Variants in EFHC1 observed in about 807,000 individuals in gnomAD.
EFHC1 encodes EF-hand domain containing 1.
EFHC1 carries 53 observed loss-of-function variants against 69.9 expected under a neutral mutation model. The ratio of observed to expected loss-of-function variants is 0.76; its 90% CI spans 0.61 to 0.95. The LOEUF (loss-of-function observed/expected upper bound fraction) is 0.95, where lower values mean the gene tolerates loss of function less well. Among genes scored for constraint, EFHC1 ranks in the 40% least tolerant of loss-of-function variants. EFHC1 has a pLI of 0.00. For missense variants in EFHC1, 739 were observed against 798.7 expected (o/e 0.93, Z 0.90); for synonymous variants, 256 against 278.4 (o/e 0.92, Z 0.80).
At chr6:52,449,574 A>G (rs148475475) in intron 3 of EFHC1, among the ~76,000 whole-genome samples, 1 of 152,222 alleles carries the variant, frequency 6.6e-6, no homozygotes, top group Non-Finnish European at 1.5e-5. Flanking sequence ...GTGTCCAGGA[A>G]TTTATCCATC....
intron 7 of EFHC1, among the ~76,000 whole-genome samples, chr6:52,476,060 T>A (rs1765539413): frequency 6.6e-6 from 1 of 151,496 alleles, no homozygotes; most frequent in African/African-American, 2.4e-5. Flanking sequence ...ACCGAGACAG[T>A]GTGCAGTGAA....
intron 10 of EFHC1, 48 bp from the exon 11 acceptor site, chr6:52,492,222 G>A (rs60636755): frequency 5.6e-4 from 863 of 1,547,086 alleles, no homozygotes; most frequent in Non-Finnish European, 7.2e-4. Context: ...TTGAGCTGAC[G>A]GAAGCCCTGC....
At chr6:52,477,985 A>G (rs1437544673) in intron 7 of EFHC1, among the ~76,000 whole-genome samples, 1 of 152,136 alleles carries the variant, frequency 6.6e-6, no homozygotes, top group Admixed American at 6.5e-5. Context: ...ACGTATGTTT[A>G]TTGCGGCATT....
rs755859275 is a variant in EFHC1 at position 52,490,360 on chromosome 6, A to G, written c.1851+10A>G. Reference sequence around the variant, plus strand: ...CTCCTTGGTTAAGGAGGTCAGTATGAATTACTCTTCTGAGTTCATTGCAGA... The same window carrying G: ...CTCCTTGGTTAAGGAGGTCAGTATGGATTACTCTTCTGAGTTCATTGCAGA... On this transcript the variant is annotated intron_variant, in intron 10 of 10. Transcript: ENST00000371068. The G allele has an allele frequency of 6.2e-7, 1 of 1,611,068 alleles. No individual in the cohort carries two copies. Among genetic ancestry groups the G allele is most frequent in the Non-Finnish European group, 8.5e-7 (1 of 1,177,284 alleles).
At chr6:52,467,577 G>A (rs1765338834) in intron 6 of EFHC1, among the ~76,000 whole-genome samples, 1 of 152,138 alleles carries the variant, frequency 6.6e-6, no homozygotes, top group African/African-American at 2.4e-5. Flanking sequence ...AACCTATCTT[G>A]AAGTAAAGAA....
chr6:52,476,418 T>G (rs1765546489), intron 7 of EFHC1, among the ~76,000 whole-genome samples: 1 of 152,194 alleles, frequency 6.6e-6, no homozygotes, highest in African/African-American at 2.4e-5. Context: ...GATCCAGCAA[T>G]GGCTGCTAAA....
intron 6 of EFHC1, among the ~76,000 whole-genome samples, chr6:52,466,336 A>G (rs891272827): frequency 2.0e-5 from 3 of 152,136 alleles, no homozygotes; most frequent in African/African-American, 4.8e-5. Flanking sequence ...TTCTACCAGT[A>G]CAGCATCTTG....
At chr6:52,479,916 CAGAAGGTTCCCTGTGTCAATGTA>C in intron 9 of EFHC1, 129 bp downstream of exon 9, 1 of 1,413,764 alleles carries the variant, frequency 7.1e-7, no homozygotes, top group Non-Finnish European at 9.7e-7. Context: ...TAGATATAAA[CAGAAGGTTCCCTGTGTCAATGTA>C]ATAGCTAGTA....
intron 2 of EFHC1, among the ~76,000 whole-genome samples, chr6:52,428,058 C>G (rs192221125): frequency 5.3e-5 from 8 of 152,114 alleles, no homozygotes; most frequent in African/African-American, 1.9e-4. Flanking sequence ...AGGAGCCCAG[C>G]CTGCTATAAA....
chr6:52,495,246 A>G lies in EFHC1; in HGVS notation c.*2905A>G. ...CCTTTCCTTTAGACTGTTTCAGGGG[A>G]GAACCAGGTACCCCAAATCTTATGC... On this transcript the variant is annotated 3_prime_UTR_variant, in exon 11 of 11. Coordinates refer to ENST00000371068, the MANE Select transcript of EFHC1 (RefSeq NM_018100.4). The G allele has an allele frequency of 2.2e-6, 1 of 454,060 alleles. No individual in the cohort carries two copies. Among genetic ancestry groups the G allele is most frequent in the South Asian group, 1.6e-5 (1 of 64,480 alleles). The allele number at this position is 454,060 out of a possible 1,614,324, so 28.1% of individuals were successfully genotyped here. A position where few individuals can be genotyped will look rare whatever the true frequency, so the allele number is the denominator to read the frequency against.
At chr6:52,450,837 C>A (rs1399441936) in intron 3 of EFHC1, among the ~76,000 whole-genome samples, 1 of 152,068 alleles carries the variant, frequency 6.6e-6, no homozygotes, top group Non-Finnish European at 1.5e-5. Flanking sequence ...CTCACTTTGT[C>A]ACCCAGGTTG....
chr6:52,423,657 A>AT (rs59383268), intron 1 of EFHC1: 7,429 of 263,294 alleles, frequency 0.028, 262 homozygotes, highest in African/African-American at 0.091. Flanking sequence ...CACCCAGCTA[A>AT]TTTTTTTTTT....
intron 9 of EFHC1, among the ~76,000 whole-genome samples, chr6:52,484,783 A>G (rs1765752253): frequency 6.6e-6 from 1 of 152,132 alleles, no homozygotes; most frequent in Non-Finnish European, 1.5e-5. Flanking sequence ...GTGGGTAGAT[A>G]TTGGGAGGCC....
At position 52,496,206 on chromosome 6, in the gene EFHC1, ACC is replaced by A. The variant is rs1433485258; in HGVS notation, c.*3867_*3868del. 8 of 109,156 alleles carry A rather than the reference ACC, an allele frequency of 7.3e-5. No homozygotes were observed. Among genetic ancestry groups the A allele is most frequent in the South Asian group, 5.1e-4 (2 of 3,896 alleles). The allele number at this position is 109,156 out of a possible 1,614,324, so 6.8% of individuals were successfully genotyped here. The stretch of plus-strand genomic sequence containing the variant: ...TTGAAAGATTCTAATACACACACAC[ACC>A]CACACACACACACACACAAAGAGAG... On this transcript the variant is annotated 3_prime_UTR_variant, in exon 11 of 11. Transcript: ENST00000371068.
rs1339973033 is a variant in EFHC1 at position 52,479,748 on chromosome 6, A to G, written c.1601A>G (p.His534Arg). 8 of 1,614,190 alleles carry G rather than the reference A, an allele frequency of 5.0e-6. No homozygotes were observed. Among genetic ancestry groups the G allele is most frequent in the Admixed American group, 3.3e-5 (2 of 60,026 alleles). ...SPEALASIQN[H>R]VRKREAPAPE... ...GAAGCACTCGCGTCAATTCAGAACC[A>G]TGTCCGAAAGCGAGAAGCGCCTGCT... The change falls in exon 9 of 11, where the codon CAT becomes CGT. Residue 534 changes from histidine to arginine, a missense_variant. His to Arg is a conservative substitution (Grantham distance 29). Transcript: ENST00000371068.
chr6:52,471,923 A>T (rs1270216201), intron 7 of EFHC1, among the ~76,000 whole-genome samples: 4 of 151,160 alleles, frequency 2.6e-5, no homozygotes, highest in East Asian at 1.9e-4. Flanking sequence ...AAAAATTTTT[A>T]AAAACCTTTG....
chr6:52,477,972 C>CACACGT (rs1765579152), intron 7 of EFHC1, among the ~76,000 whole-genome samples: 1 of 152,060 alleles, frequency 6.6e-6, no homozygotes, highest in Non-Finnish European at 1.5e-5. Flanking sequence ...AAGACACATG[C>CACACGT]ACACGTATGT....
chr6:52,454,138 A>G lies in EFHC1; in HGVS notation c.767A>G (p.Tyr256Cys). 1.9e-6 allele frequency: 3 copies of G among 1,614,062 alleles called. No homozygotes were observed. Among genetic ancestry groups the G allele is most frequent in the Non-Finnish European group, 1.7e-6 (2 of 1,179,988 alleles). Residue 256 changes from tyrosine (Y) to cysteine (C), a missense_variant, in exon 5 of 11, where the codon TAT becomes TGT. By Grantham distance (194) the Tyr-to-Cys change is radical. Coordinates refer to ENST00000371068, the MANE Select transcript of EFHC1 (RefSeq NM_018100.4). ...YAIWDDTDSM[Y>C]GECRTYIIHY... is the part of the protein sequence containing the mutation. ...ATCTGGGATGATACAGACAGCATGTATGGTGAATGTCGGACCTACATCATT... is the reference window on the plus strand; with the variant it reads ...ATCTGGGATGATACAGACAGCATGTGTGGTGAATGTCGGACCTACATCATT...
intron 6 of EFHC1, 71 bp from the exon 7 acceptor site, chr6:52,469,262 T>C: frequency 6.3e-7 from 1 of 1,587,600 alleles, no homozygotes; most frequent in East Asian, 2.2e-5. Flanking sequence ...TCTTTAAACT[T>C]ATAGTTACCT....
Sources: gnomAD v4.1 joint callset for allele counts (sites outside exome capture counted in the v4.1 genomes callset) on GRCh38, gnomAD v4.1.1 for gene constraint, MANE v1.5 for transcripts, NCBI Gene and HGNC (gene_info 2026-07-23, HGNC 2026-07-21) for gene names.